Variants in LCLAT1 observed in about 807,000 individuals in gnomAD.
The protein encoded by LCLAT1 is lysocardiolipin acyltransferase 1.
In LCLAT1, 11 loss-of-function variants were observed where a neutral mutation model predicts 30.7. The observed-to-expected ratio is 0.36, with a 90% CI of 0.23 to 0.59. The LOEUF is 0.59. Ranked by LOEUF, LCLAT1 falls within the 20% of genes least tolerant of loss-of-function variation. The pLI, the probability that LCLAT1 is intolerant of heterozygous loss-of-function variation, is 0.77. For synonymous variants in LCLAT1, 155 were observed against 151.3 expected, an observed-to-expected ratio of 1.02 and a Z score of -0.18; for missense variants, 402 against 458.6, an observed-to-expected ratio of 0.88 and a Z score of 1.13.
intron 1 of LCLAT1, among the ~76,000 whole-genome samples, chr2:30,494,485 G>A (rs1007482074): frequency 2.6e-5 from 4 of 152,064 alleles, no homozygotes; most frequent in Non-Finnish European, 5.9e-5. Flanking sequence ...GAAAGGTTAT[G>A]ATTATTAAAT....
chr2:30,524,659 A>G (rs1170757734), intron 1 of LCLAT1, among the ~76,000 whole-genome samples: 1 of 152,210 alleles, frequency 6.6e-6, no homozygotes, highest in African/African-American at 2.4e-5. Context: ...ATGCTATGCT[A>G]CCTGCCTCTT....
At chr2:30,616,987 C>T (rs1251269934) in intron 5 of LCLAT1, among the ~76,000 whole-genome samples, 2 of 152,070 alleles carry the variant, frequency 1.3e-5, no homozygotes, top group African/African-American at 2.4e-5. Flanking sequence ...TGTGATATCA[C>T]TTAAATTTTT....
intron 5 of LCLAT1, among the ~76,000 whole-genome samples, chr2:30,581,457 A>C (rs1347392836): frequency 6.6e-6 from 1 of 152,184 alleles, no homozygotes; most frequent in African/African-American, 2.4e-5. Context: ...CTGCACTTCC[A>C]TGTTAATTGC....
intron 1 of LCLAT1, among the ~76,000 whole-genome samples, chr2:30,462,671 G>C (rs2148276159): frequency 6.6e-6 from 1 of 152,332 alleles, no homozygotes; most frequent in African/African-American, 2.4e-5. Flanking sequence ...TTTGTCCTTT[G>C]AAGCTAGAGT....
chr2:30,535,013 T>C (rs1686175013), intron 3 of LCLAT1, among the ~76,000 whole-genome samples: 1 of 152,050 alleles, frequency 6.6e-6, no homozygotes, highest in Non-Finnish European at 1.5e-5. Context: ...ATTTAAAAAA[T>C]ACAGAAAAAT....
intron 5 of LCLAT1, among the ~76,000 whole-genome samples, chr2:30,620,937 C>G (rs1343663927): frequency 1.3e-5 from 2 of 152,152 alleles, no homozygotes; most frequent in Non-Finnish European, 2.9e-5. Flanking sequence ...ATAACTCCAA[C>G]CTTTGCCTCT....
At chr2:30,588,705 A>G (rs371534725) in intron 5 of LCLAT1, among the ~76,000 whole-genome samples, 1 of 152,110 alleles carries the variant, frequency 6.6e-6, no homozygotes, top group Non-Finnish European at 1.5e-5. Context: ...GGTTCAAACA[A>G]TTCTCCTGCC....
At chr2:30,547,048 G>GC (rs11432388) in intron 3 of LCLAT1, among the ~76,000 whole-genome samples, 14,570 of 152,028 alleles carry the variant, frequency 0.096, 741 homozygotes, top group East Asian at 0.12. Context: ...CTCCACTCCT[G>GC]CCAGTTCCTT....
intron 1 of LCLAT1, among the ~76,000 whole-genome samples, chr2:30,524,957 C>T (rs564460832): frequency 1.2e-4 from 18 of 151,824 alleles, no homozygotes; most frequent in African/African-American, 3.4e-4. Flanking sequence ...ATTGCTTCTA[C>T]TTCTGGGTAG....
intron 1 of LCLAT1, among the ~76,000 whole-genome samples, chr2:30,463,055 A>G (rs1682243380): frequency 6.6e-6 from 1 of 152,158 alleles, no homozygotes; most frequent in African/African-American, 2.4e-5. Context: ...TTAGTTGCTC[A>G]GGAGTTCAAC....
intron 5 of LCLAT1, among the ~76,000 whole-genome samples, chr2:30,618,677 A>G (rs1228396929): frequency 1.3e-5 from 2 of 152,172 alleles, no homozygotes; most frequent in Non-Finnish European, 2.9e-5. Context: ...TACCTATGTA[A>G]CAAACCTTCA....
At chr2:30,579,454 A>G (rs1363337179) in intron 5 of LCLAT1, among the ~76,000 whole-genome samples, 1 of 152,208 alleles carries the variant, frequency 6.6e-6, no homozygotes, top group East Asian at 1.9e-4. Flanking sequence ...CAGAATAAAA[A>G]TGTATAACAA....
intron 2 of LCLAT1, among the ~76,000 whole-genome samples, chr2:30,530,007 C>T (rs1329728528): frequency 6.6e-6 from 1 of 152,168 alleles, no homozygotes; most frequent in East Asian, 1.9e-4. Context: ...GAACCACTCT[C>T]ATCTTTGTGT....
chr2:30,579,104 A>G (rs1011768798), intron 5 of LCLAT1, among the ~76,000 whole-genome samples: 2 of 152,166 alleles, frequency 1.3e-5, no homozygotes, highest in Non-Finnish European at 2.9e-5. Context: ...TCAAGGAGAC[A>G]GTAGCCATTC....
chr2:30,547,377 T>C (rs78170188), intron 3 of LCLAT1, among the ~76,000 whole-genome samples: 1 of 152,216 alleles, frequency 6.6e-6, no homozygotes, highest in Non-Finnish European at 1.5e-5. Context: ...ATTCCACATA[T>C]TACTTAATAA....
intron 2 of LCLAT1, among the ~76,000 whole-genome samples, chr2:30,528,241 T>C (rs1442605838): frequency 1.3e-5 from 2 of 152,224 alleles, no homozygotes; most frequent in Non-Finnish European, 2.9e-5. Context: ...TGGGCAGCCA[T>C]GTGCACAGTT....
At chr2:30,484,669 A>G (rs769984751) in intron 1 of LCLAT1, among the ~76,000 whole-genome samples, 1 of 152,166 alleles carries the variant, frequency 6.6e-6, no homozygotes, top group African/African-American at 2.4e-5. Flanking sequence ...CACACATTCT[A>G]TAAATGTTAG....
At chr2:30,625,803 A>G (rs969125998) in intron 5 of LCLAT1, among the ~76,000 whole-genome samples, 22 of 152,212 alleles carry the variant, frequency 1.4e-4, no homozygotes, top group African/African-American at 5.3e-4. Flanking sequence ...AAAGTAAAGT[A>G]GCATAGTGGA....
intron 2 of LCLAT1, among the ~76,000 whole-genome samples, chr2:30,527,023 C>A (rs546634746): frequency 6.6e-6 from 1 of 152,232 alleles, no homozygotes; most frequent in South Asian, 2.1e-4. Context: ...CACTATCACT[C>A]TCTATTTACA....
Sources: gnomAD v4.1 joint callset for allele counts (sites outside exome capture counted in the v4.1 genomes callset) on GRCh38, gnomAD v4.1.1 for gene constraint, MANE v1.5 for transcripts, NCBI Gene and HGNC (gene_info 2026-07-23, HGNC 2026-07-21) for gene names.